Variants in ALG14 observed in about 807,000 individuals in gnomAD.
ALG14 encodes the protein ALG14 UDP-N-acetylglucosaminyltransferase subunit, also known as UDP-N-acetylglucosamine transferase subunit ALG14.
Under a neutral mutation model 22.8 loss-of-function variants are expected in ALG14, and 17 were observed. The observed-to-expected ratio is 0.75, with a 90% confidence interval of 0.51 to 1.12. The LOEUF (loss-of-function observed/expected upper bound fraction) is 1.12. Among genes scored for constraint, ALG14 ranks in the 50% most tolerant of loss-of-function variants. The pLI is 0.00. For synonymous variants in ALG14, 89 were observed against 103.7 expected, an observed-to-expected ratio of 0.86 and a Z score of 0.86; for missense variants, 288 against 271.8, an observed-to-expected ratio of 1.06 and a Z score of -0.42.
chr1:95,036,669 C>T (rs769400622), intron 2 of ALG14, among the ~76,000 whole-genome samples: 6 of 152,010 alleles, frequency 3.9e-5, no homozygotes, highest in South Asian at 4.1e-4. Flanking sequence ...TCAGGTGATC[C>T]GCCCACCTCG....
chr1:95,016,985 G>A (rs189932230), intron 3 of ALG14, among the ~76,000 whole-genome samples: 2,854 of 147,884 alleles, frequency 0.019, 106 homozygotes, highest in African/African-American at 0.071. Context: ...GTGTGTGTGT[G>A]TGTGTGTGTG....
intron 3 of ALG14, among the ~76,000 whole-genome samples, chr1:95,019,353 T>C (rs994031413): frequency 4.3e-4 from 65 of 152,222 alleles, no homozygotes; most frequent in Admixed American, 5.9e-4. Context: ...TTTTTAAGCA[T>C]GTATAATACC....
chr1:95,032,811 T>C (rs185822468), intron 2 of ALG14, among the ~76,000 whole-genome samples: 3 of 152,338 alleles, frequency 2.0e-5, no homozygotes, highest in African/African-American at 7.2e-5. Context: ...ACTGGGTTAC[T>C]TGATGTCCTG....
At chr1:95,065,423 G>A (rs187611681) in intron 1 of ALG14, among the ~76,000 whole-genome samples, 366 of 152,212 alleles carry the variant, frequency 2.4e-3, no homozygotes, top group Middle Eastern at 6.8e-3. Flanking sequence ...TTAAAAATAA[G>A]GAAGAACCCC....
intron 3 of ALG14, among the ~76,000 whole-genome samples, chr1:94,997,942 G>T (rs1352422294): frequency 6.6e-6 from 1 of 152,112 alleles, no homozygotes; most frequent in African/African-American, 2.4e-5. Flanking sequence ...CCCACTGAGG[G>T]TATGGCTGGG....
chr1:94,994,676 C>G (rs1672863290), intron 3 of ALG14, among the ~76,000 whole-genome samples: 1 of 152,114 alleles, frequency 6.6e-6, no homozygotes, highest in African/African-American at 2.4e-5. Context: ...GAAGATTAGG[C>G]CAGGGTTCTC....
rs116493703 is a variant in ALG14, at chr1:94,997,740, G to T, written c.421-14434C>A. ...AGATCTGCAAAGAACTTAGATCCTA[G>T]CACGTCTTATATTTGCTGCTTTTTT... On this transcript the variant is annotated intron_variant, in intron 3 of 3. Transcript: ENST00000370205. Among the ~76,000 whole-genome samples the T allele has an allele frequency of 3.7e-3, 569 of 152,318 alleles. 1 individual carries two copies. The highest frequency in any genetic ancestry group is 5.7e-3 in the Non-Finnish European group (390 of 68,016).
chr1:95,040,172 A>AAAATT (rs143215328), intron 2 of ALG14, among the ~76,000 whole-genome samples: 12 of 143,218 alleles, frequency 8.4e-5, no homozygotes, highest in African/African-American at 3.2e-4. Context: ...ACCCTGTCTC[A>AAAATT]AAATAAATAA....
chr1:95,055,465 A>C (rs1571662437), intron 2 of ALG14, among the ~76,000 whole-genome samples: 1 of 152,264 alleles, frequency 6.6e-6, no homozygotes, highest in East Asian at 1.9e-4. Context: ...AAACACACCA[A>C]AGATATGCAA....
At position 94,982,115 on chromosome 1, in the gene ALG14, G is replaced by GTTTTTT. The variant is rs1211541928; in HGVS notation, c.*960_*961insAAAAAA. The GTTTTTT allele has an allele frequency of 7.8e-6, 1 of 128,926 alleles. No individual in the cohort carries two copies. The allele number at this position is 128,926 out of a possible 1,614,324, so 8.0% of individuals were successfully genotyped here. ...ATAATAACAGTCCCTACATCATTGA[G>GTTTTTT]TTTTGTTTTTTTTTTTTTTTTTTGA... is the stretch of plus-strand genomic sequence containing the variant. On this transcript the variant is annotated 3_prime_UTR_variant, in exon 4 of 4. Coordinates refer to ENST00000370205, the MANE Select transcript of ALG14 (RefSeq NM_144988.4).
chr1:95,064,223 C>T (rs1432361597), intron 2 of ALG14, among the ~76,000 whole-genome samples: 3 of 152,194 alleles, frequency 2.0e-5, no homozygotes, highest in African/African-American at 7.2e-5. Context: ...ATGTCATCTG[C>T]AAGCAAGGAT....
chr1:95,054,009 C>T (rs919961008), intron 2 of ALG14, among the ~76,000 whole-genome samples: 2 of 152,136 alleles, frequency 1.3e-5, no homozygotes, highest in Non-Finnish European at 2.9e-5. Flanking sequence ...ATGTTACTTA[C>T]AGACAACACA....
intron 2 of ALG14, among the ~76,000 whole-genome samples, chr1:95,064,231 G>A (rs534645979): frequency 6.6e-6 from 1 of 152,142 alleles, no homozygotes; most frequent in Non-Finnish European, 1.5e-5. Context: ...TGCAAGCAAG[G>A]ATAATTTGAC....
At chr1:94,993,355 A>G (rs1030371591) in intron 3 of ALG14, among the ~76,000 whole-genome samples, 42 of 146,354 alleles carry the variant, frequency 2.9e-4, no homozygotes, top group African/African-American at 8.6e-4. Context: ...ATATTTATAT[A>G]TAGATATTTA....
At chr1:95,057,054 T>TG (rs1674959958) in intron 2 of ALG14, among the ~76,000 whole-genome samples, 1 of 56,000 alleles carries the variant, frequency 1.8e-5, no homozygotes, top group Non-Finnish European at 4.2e-5. Flanking sequence ...AGATTCTGGC[T>TG]CAAAAAAAAA....
chr1:95,005,216 A>G (rs937259615), intron 3 of ALG14, among the ~76,000 whole-genome samples: 2 of 152,246 alleles, frequency 1.3e-5, no homozygotes, highest in Admixed American at 1.3e-4. Flanking sequence ...TACTCTAGAA[A>G]TAAGGAACTG....
intron 2 of ALG14, 54 bp from the exon 3 acceptor site, chr1:95,027,314 A>C: frequency 6.3e-7 from 1 of 1,583,748 alleles, no homozygotes. Flanking sequence ...ATCAAAGTTA[A>C]ACATAGTAAC....
chr1:95,003,904 A>G (rs952345935), intron 3 of ALG14, among the ~76,000 whole-genome samples: 20 of 152,208 alleles, frequency 1.3e-4, no homozygotes, highest in African/African-American at 4.8e-4. Flanking sequence ...TCAATCACAA[A>G]ACCTCAGAAT....
At chr1:95,023,394 A>C (rs1487949739) in intron 3 of ALG14, among the ~76,000 whole-genome samples, 1 of 152,162 alleles carries the variant, frequency 6.6e-6, no homozygotes, top group East Asian at 1.9e-4. Flanking sequence ...AAAGTGCTGG[A>C]ATTACAGGCA....
Sources: allele counts gnomAD v4.1 joint callset (sites outside exome capture counted in the v4.1 genomes callset), GRCh38; gene constraint gnomAD v4.1.1; transcripts MANE v1.5; gene names NCBI Gene and HGNC (gene_info 2026-07-23, HGNC 2026-07-21).